KIAA1328: variants seen among roughly 807,000 people sequenced by gnomAD.
KIAA1328 encodes the protein KIAA1328.
In KIAA1328, 52 loss-of-function variants were observed where a neutral mutation model predicts 68.1. The observed-to-expected ratio is 0.76, with a 90% CI of 0.61 to 0.96. The LOEUF (loss-of-function observed/expected upper bound fraction) is 0.96. KIAA1328 is among the 40% of genes least tolerant of loss of function. The pLI is 0.00. For synonymous variants in KIAA1328, 232 were observed against 239.4 expected, an observed-to-expected ratio of 0.97 and a Z score of 0.28; for missense variants, 641 against 677.6, an observed-to-expected ratio of 0.95 and a Z score of 0.60.
At chr18:36,914,567 A>G (rs1258708936) in intron 5 of KIAA1328, among the ~76,000 whole-genome samples, 1 of 152,056 alleles carries the variant, frequency 6.6e-6, no homozygotes, top group East Asian at 1.9e-4. Flanking sequence ...TAAAAATACA[A>G]ACATTAGCCA....
chr18:37,134,764 T>A (rs1223127200), intron 7 of KIAA1328, among the ~76,000 whole-genome samples: 1 of 152,238 alleles, frequency 6.6e-6, no homozygotes, highest in Non-Finnish European at 1.5e-5. Context: ...CCTGGGTATA[T>A]CTTGTGATGC....
At chr18:37,027,573 A>G (rs539321634) in intron 6 of KIAA1328, among the ~76,000 whole-genome samples, 8 of 152,356 alleles carry the variant, frequency 5.3e-5, no homozygotes, top group Non-Finnish European at 1.0e-4. Context: ...ACATATCTAC[A>G]GCCATCTGAT....
intron 7 of KIAA1328, among the ~76,000 whole-genome samples, chr18:37,093,238 G>A (rs2151838741): frequency 6.6e-6 from 1 of 152,250 alleles, no homozygotes; most frequent in Non-Finnish European, 1.5e-5. Flanking sequence ...CAAGAAATGT[G>A]AAAAAGCAAG....
At chr18:36,962,886 C>T (rs2051750291) in intron 6 of KIAA1328, among the ~76,000 whole-genome samples, 1 of 152,110 alleles carries the variant, frequency 6.6e-6, no homozygotes, top group African/African-American at 2.4e-5. Context: ...AAAATTGACA[C>T]CCTAACTTCA....
intron 6 of KIAA1328, among the ~76,000 whole-genome samples, chr18:36,975,529 A>G (rs187159893): frequency 6.6e-6 from 1 of 152,266 alleles, no homozygotes; most frequent in African/African-American, 2.4e-5. Context: ...GGATGGGAAT[A>G]CTGACATATA....
intron 7 of KIAA1328, among the ~76,000 whole-genome samples, chr18:37,121,980 C>G (rs904748890): frequency 1.3e-5 from 2 of 152,056 alleles, no homozygotes; most frequent in Non-Finnish European, 2.9e-5. Context: ...AAGGCTGAAT[C>G]AGACTTACAG....
At chr18:37,113,694 A>G (rs575937748) in intron 7 of KIAA1328, among the ~76,000 whole-genome samples, 3 of 152,240 alleles carry the variant, frequency 2.0e-5, no homozygotes, top group Non-Finnish European at 2.9e-5. Context: ...AAATGCTCCA[A>G]TTAAAAGACA....
intron 6 of KIAA1328, among the ~76,000 whole-genome samples, chr18:37,024,082 A>G (rs1043490288): frequency 6.6e-6 from 1 of 151,972 alleles, no homozygotes; most frequent in East Asian, 1.9e-4. Flanking sequence ...TGTAGCCTCA[A>G]CCTCCTGGGT....
chr18:36,949,345 A>G (rs530099582), intron 5 of KIAA1328, among the ~76,000 whole-genome samples: 9 of 152,344 alleles, frequency 5.9e-5, no homozygotes, highest in South Asian at 2.1e-4. Flanking sequence ...CTGAAAATTT[A>G]TATTTTCTTA....
At chr18:37,104,730 G>A (rs747319224) in intron 7 of KIAA1328, among the ~76,000 whole-genome samples, 33 of 119,182 alleles carry the variant, frequency 2.8e-4, no homozygotes, top group Non-Finnish European at 4.3e-4. Context: ...CATTGTATGC[G>A]TGCATCAAAA....
chr18:36,884,299 C>T (rs1009911526), intron 4 of KIAA1328, among the ~76,000 whole-genome samples: 1 of 151,938 alleles, frequency 6.6e-6, no homozygotes, highest in African/African-American at 2.4e-5. Context: ...TGAGATTACC[C>T]TCTTTGAAAG....
At chr18:37,192,492 T>C (rs1480636477) in intron 9 of KIAA1328, among the ~76,000 whole-genome samples, 1 of 152,192 alleles carries the variant, frequency 6.6e-6, no homozygotes, top group African/African-American at 2.4e-5. Context: ...ACTAGCATCA[T>C]TTTGACCTCA....
intron 7 of KIAA1328, 49 bp from the exon 8 acceptor site, chr18:37,160,151 T>A: frequency 1.3e-6 from 2 of 1,484,536 alleles, no homozygotes; most frequent in Non-Finnish European, 1.8e-6. Context: ...CTATGTGCTC[T>A]GTGTTCCCTT....
At position 36,978,425 on chromosome 18, in the gene KIAA1328, G is replaced by A. The variant is rs570829533; in HGVS notation, c.576+18990G>A. On this transcript the variant is annotated intron_variant, in intron 6 of 9. Transcript: ENST00000280020. ...TATCAGTTACGAATTGGTGGAAACA[G>A]TTCAGAAATCGGTTTGCATATTGCC... is the stretch of plus-strand genomic sequence containing the variant. 4.9e-4 allele frequency among the ~76,000 whole-genome samples: 74 copies of A among 152,306 alleles called. No homozygotes were observed. In the South Asian group the frequency reaches 0.012, roughly 26 times the overall value.
chr18:37,182,634 A>T (rs1380091423), intron 9 of KIAA1328, among the ~76,000 whole-genome samples: 4 of 152,216 alleles, frequency 2.6e-5, no homozygotes, highest in Non-Finnish European at 5.9e-5. Context: ...ATTCCAAACT[A>T]TAAGTGTATC....
chr18:37,088,472 A>G (rs574731441), intron 7 of KIAA1328, among the ~76,000 whole-genome samples: 1 of 152,114 alleles, frequency 6.6e-6, no homozygotes, highest in African/African-American at 2.4e-5. Flanking sequence ...ATGTTTATTA[A>G]TGCTTTGTGT....
chr18:37,103,762 G>A (rs2057692411), intron 7 of KIAA1328, among the ~76,000 whole-genome samples: 1 of 150,860 alleles, frequency 6.6e-6, no homozygotes, highest in Non-Finnish European at 1.5e-5. Context: ...ATCAGACAAG[G>A]ACTAATATCC....
At chr18:37,072,355 G>C (rs1466142748) in intron 7 of KIAA1328, among the ~76,000 whole-genome samples, 1 of 150,236 alleles carries the variant, frequency 6.7e-6, no homozygotes, top group Admixed American at 6.6e-5. Context: ...CTCCACTGAT[G>C]TTTTCCACAG....
intron 3 of KIAA1328, among the ~76,000 whole-genome samples, chr18:36,838,553 A>C (rs1399229492): frequency 1.3e-5 from 2 of 152,134 alleles, no homozygotes; most frequent in South Asian, 4.1e-4. Flanking sequence ...CTGAGTTGAT[A>C]GTTTTATTCA....
Sources: gnomAD v4.1 joint callset for allele counts (sites outside exome capture counted in the v4.1 genomes callset) on GRCh38, gnomAD v4.1.1 for gene constraint, MANE v1.5 for transcripts, NCBI Gene and HGNC (gene_info 2026-07-23, HGNC 2026-07-21) for gene names.